The following TMEM38B variants were observed in gnomAD, a reference collection of about 807,000 sequenced individuals.
The protein encoded by TMEM38B is transmembrane protein 38B, also known as trimeric intracellular cation channel type B.
TMEM38B carries 24 observed loss-of-function variants against 28.7 expected under a neutral mutation model. The observed-to-expected ratio is 0.84, with a 90% CI of 0.61 to 1.18. The LOEUF is 1.18. Among genes scored for constraint, TMEM38B ranks in the 50% most tolerant of loss-of-function variants. The pLI is 0.00. For synonymous variants in TMEM38B, 131 were observed against 127.7 expected, an observed-to-expected ratio of 1.03 and a Z score of -0.17; for missense variants, 380 against 350.9, an observed-to-expected ratio of 1.08 and a Z score of -0.66.
Position 105,774,269 on chromosome 9 carries a change from T to C in TMEM38B, c.*189T>C. On this transcript the variant is annotated 3_prime_UTR_variant, in exon 6 of 6. Transcript: ENST00000374692. ...GATTGTATTTGTAGAGTGTTACGAGTGTATCATGTGATTATGCTTTACCGG... is the reference window on the plus strand; with the variant it reads ...GATTGTATTTGTAGAGTGTTACGAGCGTATCATGTGATTATGCTTTACCGG... 1 of 538,820 alleles carries C rather than the reference T, an allele frequency of 1.9e-6. No individual in the cohort carries two copies. Among genetic ancestry groups the C allele is most frequent in the Non-Finnish European group, 3.3e-6 (1 of 305,872 alleles). 33.4% of individuals were successfully genotyped at this position (538,820 alleles called of 1,614,324 possible).
rs903110123 is a variant in TMEM38B, at chr9:105,762,707, G to A, written c.661-11158G>A. Among the ~76,000 whole-genome samples the A allele has an allele frequency of 7.8e-5, 11 of 140,932 alleles. No individual in the cohort carries two copies. The South Asian group carries it at 1.7e-3, about 21-fold the overall frequency. The allele number at this position is 140,932 out of a possible 152,430, so 92.5% of individuals were successfully genotyped here. A position where few individuals can be genotyped will look rare whatever the true frequency, so the allele number is the denominator to read the frequency against. On this transcript the variant is annotated intron_variant, in intron 5 of 5. Transcript: ENST00000374692. ...AGTCTTTGCTATTGTGAATAATGCC[G>A]CAATAAACATACATGTGCATGTGTC...
chr9:105,704,737 A>G (rs1235825669), intron 1 of TMEM38B, among the ~76,000 whole-genome samples: 2 of 152,090 alleles, frequency 1.3e-5, no homozygotes. Context: ...CAGCCTGGCC[A>G]ACATAGTGAA....
chr9:105,743,305 A>G (rs1261224206), intron 4 of TMEM38B, among the ~76,000 whole-genome samples: 1 of 152,206 alleles, frequency 6.6e-6, no homozygotes, highest in Non-Finnish European at 1.5e-5. Context: ...AGCCACAGGA[A>G]AGTAATACAA....
chr9:105,752,207 G>A (rs1391578694), intron 5 of TMEM38B, among the ~76,000 whole-genome samples: 2 of 152,188 alleles, frequency 1.3e-5, no homozygotes, highest in Non-Finnish European at 2.9e-5. Context: ...GGGAGGGGCA[G>A]TCACCATCTC....
intron 1 of TMEM38B, among the ~76,000 whole-genome samples, chr9:105,700,706 A>G (rs942944947): frequency 2.0e-5 from 3 of 152,028 alleles, no homozygotes; most frequent in Admixed American, 6.5e-5. Flanking sequence ...TTTGTGGGAG[A>G]TGAAAGTTTG....
intron 5 of TMEM38B, among the ~76,000 whole-genome samples, chr9:105,772,923 ACTTTT>A (rs1005091167): frequency 1.4e-4 from 22 of 152,216 alleles, no homozygotes; most frequent in African/African-American, 5.3e-4. Context: ...ATGAATATAT[ACTTTT>A]CTTCCACCTC....
chr9:105,747,176 GT>G (rs1468977695), intron 4 of TMEM38B, among the ~76,000 whole-genome samples: 1 of 152,170 alleles, frequency 6.6e-6, no homozygotes, highest in Non-Finnish European at 1.5e-5. Flanking sequence ...TGTACCTCTG[GT>G]AGAATTTGGC....
chr9:105,726,128 T>C (rs1389503675), intron 4 of TMEM38B, among the ~76,000 whole-genome samples: 3 of 152,160 alleles, frequency 2.0e-5, no homozygotes, highest in Non-Finnish European at 4.4e-5. Context: ...CATTTCTTTG[T>C]ATTAGGAACA....
intron 5 of TMEM38B, among the ~76,000 whole-genome samples, chr9:105,753,878 A>G (rs1020717612): frequency 1.3e-5 from 2 of 152,228 alleles, no homozygotes. Flanking sequence ...GGCAGGCTGG[A>G]TAAAGAGCCA....
intron 1 of TMEM38B, 72 bp downstream of exon 1, chr9:105,694,844 G>A (rs1835225387): frequency 1.4e-6 from 1 of 699,556 alleles, no homozygotes; most frequent in South Asian, 2.1e-5. Context: ...AGTCGGGTGG[G>A]TCGGGTGGGT....
intron 1 of TMEM38B, among the ~76,000 whole-genome samples, chr9:105,697,019 A>G (rs1291028583): frequency 6.6e-6 from 1 of 152,212 alleles, no homozygotes; most frequent in Non-Finnish European, 1.5e-5. Context: ...GCCAACATAA[A>G]CAAAACCTTT....
chr9:105,725,376 G>A (rs1836471515), intron 4 of TMEM38B, among the ~76,000 whole-genome samples: 1 of 149,702 alleles, frequency 6.7e-6, no homozygotes, highest in Admixed American at 6.8e-5. Context: ...GCACATAGTA[G>A]ATAATACATA....
At chr9:105,765,244 T>C (rs1432971486) in intron 5 of TMEM38B, among the ~76,000 whole-genome samples, 1 of 152,234 alleles carries the variant, frequency 6.6e-6, no homozygotes. Context: ...ATTTAAAAAA[T>C]GCTTTAGCAA....
intron 3 of TMEM38B, 137 bp from the exon 4 acceptor site, chr9:105,722,397 T>C: frequency 1.4e-6 from 1 of 738,884 alleles, no homozygotes; most frequent in Non-Finnish European, 2.2e-6. Flanking sequence ...ACAAGGCAAC[T>C]TTTTTCTTCT....
intron 5 of TMEM38B, among the ~76,000 whole-genome samples, chr9:105,754,657 A>C (rs1837770431): frequency 6.6e-6 from 1 of 152,334 alleles, no homozygotes; most frequent in South Asian, 2.1e-4. Context: ...ATAGCACTAA[A>C]TGCCCACATA....
At chr9:105,722,704 T>C in intron 4 of TMEM38B, 83 bp downstream of exon 4, 2 of 1,075,866 alleles carry the variant, frequency 1.9e-6, no homozygotes, top group Non-Finnish European at 2.8e-6. Flanking sequence ...TTTTAGGGAC[T>C]TTAAATGTGG....
At chr9:105,756,710 AT>A (rs1452503267) in intron 5 of TMEM38B, among the ~76,000 whole-genome samples, 1 of 152,164 alleles carries the variant, frequency 6.6e-6, no homozygotes, top group Non-Finnish European at 1.5e-5. Flanking sequence ...CAATGTAATA[AT>A]AATAAAGATA....
intron 4 of TMEM38B, among the ~76,000 whole-genome samples, chr9:105,735,042 T>G (rs1212433143): frequency 6.6e-6 from 1 of 152,116 alleles, no homozygotes; most frequent in Non-Finnish European, 1.5e-5. Flanking sequence ...TATTTCATTT[T>G]TCTCTCTAAT....
intron 5 of TMEM38B, chr9:105,759,750 A>G: frequency 6.2e-7 from 1 of 1,607,232 alleles, no homozygotes; most frequent in Non-Finnish European, 8.5e-7. Context: ...TTCAAAAGCC[A>G]TTCCGTGCTG....
Sources: gnomAD v4.1 joint callset for allele counts (sites outside exome capture counted in the v4.1 genomes callset) on GRCh38, gnomAD v4.1.1 for gene constraint, MANE v1.5 for transcripts, NCBI Gene and HGNC (gene_info 2026-07-23, HGNC 2026-07-21) for gene names.